The following MUC13 variants were observed in gnomAD, a reference collection of about 807,000 sequenced individuals.
The protein encoded by MUC13 is mucin-13.
MUC13 carries 32 observed loss-of-function variants against 48.3 expected under a neutral mutation model. That is an observed-to-expected ratio of 0.66 (90% CI 0.50 to 0.89). The LOEUF (loss-of-function observed/expected upper bound fraction) is 0.89. Among genes scored for constraint, MUC13 ranks in the 40% least tolerant of loss-of-function variants. MUC13 has a pLI of 0.00. For missense variants in MUC13, 571 were observed against 622.8 expected (o/e 0.92, Z 0.88); for synonymous variants, 199 against 224.9 (o/e 0.88, Z 1.03).
In MUC13 at chr3:124,914,819, G is replaced by A. The variant is rs192791354; in HGVS notation, c.965-1138C>T. The stretch of plus-strand genomic sequence containing the variant: ...CACATGCCTATAATCCCAGCTACTC[G>A]AGAGGCTGAGGCAGGAGAATCGCTT... On this transcript the variant is annotated intron_variant, in intron 6 of 11. Coordinates refer to ENST00000616727, the MANE Select transcript of MUC13 (RefSeq NM_033049.4). 4.1e-4 allele frequency among the ~76,000 whole-genome samples: 63 copies of A among 151,934 alleles called. No individual in the cohort carries two copies. The East Asian group carries it at 0.011, about 27-fold the overall frequency.
chr3:124,931,454 T>A (rs1270577283), intron 1 of MUC13, among the ~76,000 whole-genome samples: 6 of 150,580 alleles, frequency 4.0e-5, no homozygotes, highest in African/African-American at 1.5e-4. Context: ...AGCAACTTTT[T>A]AAAAATTTTC....
At chr3:124,925,389 T>C (rs185293411) in intron 2 of MUC13, among the ~76,000 whole-genome samples, 2 of 152,330 alleles carry the variant, frequency 1.3e-5, no homozygotes, top group African/African-American at 4.8e-5. Context: ...TATACATTTA[T>C]TTGTCCAAAT....
At chr3:124,908,433 T>A (rs990458238) in intron 10 of MUC13, 85 bp from the exon 11 acceptor site, 2 of 1,091,966 alleles carry the variant, frequency 1.8e-6, no homozygotes, top group Non-Finnish European at 2.6e-6. Flanking sequence ...AAAATATTTT[T>A]AAATTCTGAA....
rs1490145657 is a variant in MUC13, at chr3:124,927,887, A to G, written c.159T>C (p.Thr53=). ...ADTTETNFPE[T]ASTTANTPSF... ...AAGGTGTATTTGCTGTGGTGCTAGCAGTTTCAGGGAAATTAGTTTCAGTGG... is the reference window on the plus strand; with the variant it reads ...AAGGTGTATTTGCTGTGGTGCTAGCGGTTTCAGGGAAATTAGTTTCAGTGG... Residue 53 remains threonine (T), a synonymous_variant, in exon 2 of 12, where the codon ACT becomes ACC. Transcript: ENST00000616727. The G allele has an allele frequency of 1.1e-5, 18 of 1,613,800 alleles. No homozygotes were observed. The highest frequency in any genetic ancestry group is 1.5e-5 in the Non-Finnish European group (18 of 1,179,876).
intron 9 of MUC13, among the ~76,000 whole-genome samples, chr3:124,911,144 A>G (rs2107667640): frequency 6.6e-6 from 1 of 152,402 alleles, no homozygotes; most frequent in South Asian, 2.1e-4. Flanking sequence ...TAGATTAAAT[A>G]AAATATGTTC....
At chr3:124,932,076 T>G in intron 1 of MUC13, among the ~76,000 whole-genome samples, 1 of 152,118 alleles carries the variant, frequency 6.6e-6, no homozygotes, top group South Asian at 2.1e-4. Context: ...AAAATAAATA[T>G]TTTTTTCAAA....
In MUC13 at chr3:124,920,214, A is replaced by G; in HGVS notation, c.800+20T>C. On this transcript the variant is annotated intron_variant, in intron 5 of 11. Transcript: ENST00000616727. ...AGACAGACACACATCTGCCTCCAAAATTGTCCATAACAAACTTACCTTACA... is the reference window on the plus strand; with the variant it reads ...AGACAGACACACATCTGCCTCCAAAGTTGTCCATAACAAACTTACCTTACA... 4 of 1,597,506 alleles carry G rather than the reference A, an allele frequency of 2.5e-6. No homozygotes were observed. The highest frequency in any genetic ancestry group is 3.4e-6 in the Non-Finnish European group (4 of 1,169,212).
chr3:124,923,503 C>G, intron 3 of MUC13, 24 bp downstream of exon 3: 1 of 1,609,330 alleles, frequency 6.2e-7, no homozygotes, highest in Non-Finnish European at 8.5e-7. Context: ...AGAGCTCAGC[C>G]ATGGCTCATC....
At chr3:124,917,757 G>A (rs1301565396) in intron 5 of MUC13, among the ~76,000 whole-genome samples, 2 of 146,030 alleles carry the variant, frequency 1.4e-5, no homozygotes, top group African/African-American at 5.0e-5. Context: ...GCGGGGGCGG[G>A]GGCGGGGGAG....
chr3:124,919,862 G>A (rs931680261), intron 5 of MUC13, among the ~76,000 whole-genome samples: 1 of 152,118 alleles, frequency 6.6e-6, no homozygotes, highest in Non-Finnish European at 1.5e-5. Flanking sequence ...AGATGATCAC[G>A]GGCCATTCAG....
chr3:124,921,785 T>C (rs1181216653), intron 4 of MUC13, among the ~76,000 whole-genome samples: 1 of 152,244 alleles, frequency 6.6e-6, no homozygotes, highest in Non-Finnish European at 1.5e-5. Context: ...AAAAACAACA[T>C]CTTTAAATTT....
chr3:124,927,853 T>C lies in MUC13; in HGVS notation c.193A>G (p.Thr65Ala). 2 of 1,613,892 alleles carry C rather than the reference T, an allele frequency of 1.2e-6. No homozygotes were observed. Among genetic ancestry groups the C allele is most frequent in the South Asian group, 1.1e-5 (1 of 91,064 alleles). ...ATGGGGGGAGCAGGTGAAGTAGCTG[T>C]TGGGAAAGAAGGTGTATTTGCTGTG... is the stretch of plus-strand genomic sequence containing the variant. ...STTANTPSFP[T>A]ATSPAPPIIS... Residue 65 changes from threonine (T) to alanine (A), a missense_variant, in exon 2 of 12, where the codon ACA (threonine) becomes GCA (alanine). Physicochemically the swap from Thr to Ala is moderately conservative, Grantham distance 58. Transcript: ENST00000616727.
intron 4 of MUC13, among the ~76,000 whole-genome samples, chr3:124,921,812 T>C (rs1053076933): frequency 1.3e-5 from 2 of 152,226 alleles, no homozygotes; most frequent in African/African-American, 2.4e-5. Flanking sequence ...TTTCATTCTG[T>C]GGAAATAATT....
chr3:124,914,459 A>C (rs956446825), intron 6 of MUC13, among the ~76,000 whole-genome samples: 3 of 152,096 alleles, frequency 2.0e-5, no homozygotes, highest in African/African-American at 7.2e-5. Context: ...GGGGGAGAGA[A>C]TAGGAGTAGG....
chr3:124,921,933 C>T (rs1168218876), intron 4 of MUC13, among the ~76,000 whole-genome samples: 1 of 152,214 alleles, frequency 6.6e-6, no homozygotes, highest in African/African-American at 2.4e-5. Flanking sequence ...TCTGCCATGC[C>T]AGGCCAGGTG....
At position 124,909,132 on chromosome 3, in the gene MUC13, C is replaced by T. The variant is rs946595164; in HGVS notation, c.1338-784G>A. Among the ~76,000 whole-genome samples the T allele has an allele frequency of 1.9e-4, 29 of 151,140 alleles. No individual in the cohort carries two copies. The South Asian group carries it at 2.7e-3, about 14-fold the overall frequency. On this transcript the variant is annotated intron_variant, in intron 10 of 11. Coordinates refer to ENST00000616727, the MANE Select transcript of MUC13 (RefSeq NM_033049.4). ...TCATGCCACTGCACTCCAGCCTGGG[C>T]GACAGACCAAGACTCTGTCTCAAAA...
chr3:124,915,258 T>C (rs895233714), intron 6 of MUC13, among the ~76,000 whole-genome samples: 4 of 152,182 alleles, frequency 2.6e-5, no homozygotes, highest in Non-Finnish European at 4.4e-5. Context: ...ATGACATCAA[T>C]TTACTCACAC....
At chr3:124,914,347 T>C (rs553835026) in intron 6 of MUC13, among the ~76,000 whole-genome samples, 1 of 151,226 alleles carries the variant, frequency 6.6e-6, no homozygotes, top group Non-Finnish European at 1.5e-5. Flanking sequence ...GAGGCGGAGG[T>C]TGCAGTGAGC....
At chr3:124,914,548 C>T (rs1935478829) in intron 6 of MUC13, among the ~76,000 whole-genome samples, 1 of 152,182 alleles carries the variant, frequency 6.6e-6, no homozygotes, top group South Asian at 2.1e-4. Context: ...ATGAAAATGC[C>T]TCTGATTAAA....
Sources: gnomAD v4.1 joint callset for allele counts (sites outside exome capture counted in the v4.1 genomes callset) on GRCh38, gnomAD v4.1.1 for gene constraint, MANE v1.5 for transcripts, NCBI Gene and HGNC (gene_info 2026-07-23, HGNC 2026-07-21) for gene names.